Variants in IGFBP7 observed in about 807,000 individuals in gnomAD.
The protein encoded by IGFBP7 is insulin like growth factor binding protein 7.
In IGFBP7, 31 loss-of-function variants were observed where a neutral mutation model predicts 29.4. The observed-to-expected ratio is 1.05, with a 90% CI of 0.79 to 1.42. IGFBP7 has a LOEUF of 1.42. Among genes scored for constraint, IGFBP7 ranks in the 40% most tolerant of loss-of-function variants. The probability of loss-of-function intolerance (pLI) is 0.00; values close to 1 mark genes in which losing one functional copy is unlikely to be tolerated. For synonymous variants in IGFBP7, 172 were observed against 174.9 expected (o/e 0.98, Z 0.13); for missense variants, 393 against 395.5 (o/e 0.99, Z 0.05).
chr4:57,058,968 C>T (rs1438780811), intron 1 of IGFBP7, among the ~76,000 whole-genome samples: 1 of 152,158 alleles, frequency 6.6e-6, no homozygotes, highest in Non-Finnish European at 1.5e-5. Context: ...AGAAGACACA[C>T]ATGTGGCCAA....
chr4:57,039,794 A>T (rs1724175416), intron 2 of IGFBP7, among the ~76,000 whole-genome samples: 1 of 151,796 alleles, frequency 6.6e-6, no homozygotes, highest in Admixed American at 6.6e-5. Context: ...CCAGCTAATT[A>T]AAAAAATTAT....
At chr4:57,089,000 C>T (rs1725569138) in intron 1 of IGFBP7, among the ~76,000 whole-genome samples, 2 of 145,564 alleles carry the variant, frequency 1.4e-5, no homozygotes, top group Admixed American at 1.5e-4. Context: ...CCACTGCATT[C>T]CAGCCTGAGC....
At chr4:57,102,570 T>C in intron 1 of IGFBP7, among the ~76,000 whole-genome samples, 1 of 152,166 alleles carries the variant, frequency 6.6e-6, no homozygotes, top group East Asian at 1.9e-4. Flanking sequence ...TTTAATGCTG[T>C]CCTCCTGAAG....
At chr4:57,070,932 A>C (rs1410554256) in intron 1 of IGFBP7, among the ~76,000 whole-genome samples, 2 of 152,212 alleles carry the variant, frequency 1.3e-5, no homozygotes, top group Admixed American at 1.3e-4. Flanking sequence ...CTGTTCACAT[A>C]AAATTGCTAA....
At chr4:57,088,944 A>G (rs1725567266) in intron 1 of IGFBP7, among the ~76,000 whole-genome samples, 1 of 150,500 alleles carries the variant, frequency 6.6e-6, no homozygotes, top group Non-Finnish European at 1.5e-5. Flanking sequence ...AAGCAGGAGA[A>G]TCGCTCAAAC....
Position 57,077,717 on chromosome 4 carries a change from A to G in IGFBP7, c.475+32160T>C, listed in dbSNP as rs546847245. Among the ~76,000 whole-genome samples, 20 of 152,358 alleles carry G rather than the reference A, an allele frequency of 1.3e-4. No individual in the cohort carries two copies. In the South Asian group the frequency reaches 2.9e-3, roughly 22 times the overall value. On this transcript the variant is annotated intron_variant, in intron 1 of 4. Coordinates refer to ENST00000295666, the MANE Select transcript of IGFBP7 (RefSeq NM_001553.3). ...CATCAGTCTTCAGGAATGTAACAGG[A>G]AATGAAATGCAAAGGGAACAGAACT... is the stretch of plus-strand genomic sequence containing the variant.
intron 1 of IGFBP7, among the ~76,000 whole-genome samples, chr4:57,053,703 G>A (rs754583988): frequency 3.9e-5 from 6 of 152,258 alleles, no homozygotes; most frequent in Admixed American, 2.0e-4. Flanking sequence ...CAGCAGGCTA[G>A]GTTTTGAATT....
chr4:57,031,598 A>G (rs1388373528), intron 4 of IGFBP7, among the ~76,000 whole-genome samples: 1 of 152,204 alleles, frequency 6.6e-6, no homozygotes, highest in Non-Finnish European at 1.5e-5. Context: ...AGCACATTTC[A>G]CAATGAGATT....
intron 1 of IGFBP7, among the ~76,000 whole-genome samples, chr4:57,071,493 C>T (rs1725052765): frequency 6.6e-6 from 1 of 152,196 alleles, no homozygotes; most frequent in Admixed American, 6.5e-5. Flanking sequence ...TTAGATTAAG[C>T]AACCCTGGAT....
intron 1 of IGFBP7, among the ~76,000 whole-genome samples, chr4:57,072,507 T>A (rs1252275611): frequency 6.6e-6 from 1 of 152,128 alleles, no homozygotes; most frequent in Admixed American, 6.5e-5. Flanking sequence ...CACTCCAGCC[T>A]GGGTTACAGA....
chr4:57,069,557 G>A lies in IGFBP7; in HGVS notation c.476-28624C>T, dbSNP rs558066046. ...CACCTGCCTGTAGTCACAGCTACTC[G>A]GGAGGTGGAGGTAGAAGCATTGCTT... On this transcript the variant is annotated intron_variant, in intron 1 of 4. Coordinates refer to ENST00000295666, the MANE Select transcript of IGFBP7 (RefSeq NM_001553.3). Among the ~76,000 whole-genome samples the A allele has an allele frequency of 3.9e-5, 6 of 152,256 alleles. No homozygotes were observed. The East Asian group carries it at 5.8e-4, about 15-fold the overall frequency.
chr4:57,074,704 A>G (rs1262488628), intron 1 of IGFBP7, among the ~76,000 whole-genome samples: 3 of 152,216 alleles, frequency 2.0e-5, no homozygotes, highest in Non-Finnish European at 2.9e-5. Context: ...ACACTTTTTC[A>G]GACAGCTTGC....
intron 1 of IGFBP7, among the ~76,000 whole-genome samples, chr4:57,109,450 T>A (rs1490921941): frequency 1.2e-4 from 18 of 151,990 alleles, no homozygotes; most frequent in Admixed American, 1.2e-3. Context: ...AAAGTCTGTC[T>A]GGAAGTCCTT....
At chr4:57,094,406 A>T (rs111996962) in intron 1 of IGFBP7, among the ~76,000 whole-genome samples, 7 of 152,232 alleles carry the variant, frequency 4.6e-5, no homozygotes, top group African/African-American at 1.7e-4. Context: ...GGGTGGCTCC[A>T]TGTGAAGTAA....
intron 1 of IGFBP7, among the ~76,000 whole-genome samples, chr4:57,097,412 T>C (rs1725787495): frequency 6.6e-6 from 1 of 152,222 alleles, no homozygotes. Flanking sequence ...ACGAATTTTC[T>C]TTTTAAGAAA....
At chr4:57,108,627 C>T (rs558851001) in intron 1 of IGFBP7, among the ~76,000 whole-genome samples, 23 of 151,860 alleles carry the variant, frequency 1.5e-4, no homozygotes, top group Middle Eastern at 3.4e-3. Context: ...CTGCAACCTC[C>T]GCCTCCCAGA....
At chr4:57,107,356 T>G (rs1028723555) in intron 1 of IGFBP7, among the ~76,000 whole-genome samples, 5 of 152,164 alleles carry the variant, frequency 3.3e-5, no homozygotes, top group African/African-American at 1.2e-4. Flanking sequence ...AAGCATAACT[T>G]AAGTTTCTTC....
At chr4:57,069,891 T>C (rs572095937) in intron 1 of IGFBP7, among the ~76,000 whole-genome samples, 3 of 152,154 alleles carry the variant, frequency 2.0e-5, no homozygotes, top group Non-Finnish European at 4.4e-5. Context: ...CAGAACAGAC[T>C]GGCCAACATG....
chr4:57,089,044 A>AAT (rs1283457135), intron 1 of IGFBP7, among the ~76,000 whole-genome samples: 1 of 151,312 alleles, frequency 6.6e-6, no homozygotes, highest in East Asian at 1.9e-4. Flanking sequence ...AAAAATAAAA[A>AAT]AAAAAAAAAA....
Sources: allele counts gnomAD v4.1 joint callset (sites outside exome capture counted in the v4.1 genomes callset), GRCh38; gene constraint gnomAD v4.1.1; transcripts MANE v1.5; gene names NCBI Gene and HGNC (gene_info 2026-07-23, HGNC 2026-07-21).